KPNA3: variants seen among roughly 807,000 people sequenced by gnomAD.
KPNA3 encodes importin subunit alpha-4.
In KPNA3, 13 loss-of-function variants were observed where a neutral mutation model predicts 73.8. That is an observed-to-expected ratio of 0.18 (90% CI 0.11 to 0.28). The LOEUF is 0.28. KPNA3 is among the 10% of genes least tolerant of loss of function. The pLI is 1.00. For missense variants in KPNA3, 360 were observed against 618.1 expected (o/e 0.58, Z 4.43); for synonymous variants, 186 against 206.9 (o/e 0.90, Z 0.87).
intron 9 of KPNA3, among the ~76,000 whole-genome samples, chr13:49,721,333 A>G (rs1245928315): frequency 6.6e-6 from 1 of 152,234 alleles, no homozygotes; most frequent in Non-Finnish European, 1.5e-5. Context: ...GCTTTAAACC[A>G]ACAATGCAAT....
intron 1 of KPNA3, among the ~76,000 whole-genome samples, chr13:49,770,147 A>C (rs961372212): frequency 6.3e-5 from 8 of 126,480 alleles, no homozygotes; most frequent in Non-Finnish European, 1.3e-4. Context: ...TGGATGTATG[A>C]TGTGCAATTT....
chr13:49,756,821 T>C (rs1581745), intron 1 of KPNA3, among the ~76,000 whole-genome samples: 128,622 of 152,188 alleles, frequency 0.85, 54,595 homozygotes, highest in East Asian at 1. Flanking sequence ...TATTACATAG[T>C]TACAGTAATA....
At chr13:49,731,619 C>A (rs1480889676) in intron 6 of KPNA3, among the ~76,000 whole-genome samples, 1 of 152,046 alleles carries the variant, frequency 6.6e-6, no homozygotes, top group Non-Finnish European at 1.5e-5. Context: ...CCTTGGACAA[C>A]ATTTAGCAAA....
chr13:49,706,679 T>A (rs937070671), intron 12 of KPNA3, among the ~76,000 whole-genome samples: 3 of 152,222 alleles, frequency 2.0e-5, no homozygotes, highest in African/African-American at 7.2e-5. Flanking sequence ...TCTTTATTCA[T>A]GGAGCTTACA....
intron 3 of KPNA3, 28 bp from the exon 4 acceptor site, chr13:49,732,804 CAG>C (rs1954482693): frequency 6.6e-7 from 1 of 1,518,812 alleles, no homozygotes; most frequent in South Asian, 1.2e-5. Flanking sequence ...AATAGTTCAG[CAG>C]AGTTTATTAA....
At chr13:49,707,599 A>T (rs1954220002) in intron 12 of KPNA3, among the ~76,000 whole-genome samples, 1 of 152,094 alleles carries the variant, frequency 6.6e-6, no homozygotes, top group African/African-American at 2.4e-5. Flanking sequence ...CCCTCACTTA[A>T]AAGCATACTA....
chr13:49,792,675 G>A lies in KPNA3; in HGVS notation c.-169C>T, dbSNP rs1336130516. 2 of 513,514 alleles carry A rather than the reference G, an allele frequency of 3.9e-6. No homozygotes were observed. The highest frequency in any genetic ancestry group is 6.8e-6 in the Non-Finnish European group (2 of 296,244). 31.8% of individuals were successfully genotyped at this position (513,514 alleles called of 1,614,324 possible). On this transcript the variant is annotated 5_prime_UTR_variant, in exon 1 of 17. Transcript: ENST00000261667. The stretch of plus-strand genomic sequence containing the variant: ...TGGCAGTAGCGCCGGGGGAGGCGCG[G>A]GCCGACTGCCGGGCCGGGTGGGGCG...
chr13:49,763,557 T>C (rs1392966711), intron 1 of KPNA3, among the ~76,000 whole-genome samples: 1 of 152,162 alleles, frequency 6.6e-6, no homozygotes, highest in East Asian at 1.9e-4. Flanking sequence ...AAACTCCAAG[T>C]GGGAAAATAA....
intron 1 of KPNA3, among the ~76,000 whole-genome samples, chr13:49,755,108 A>G (rs56286086): frequency 0.11 from 16,800 of 152,124 alleles, 1,155 homozygotes; most frequent in South Asian, 0.26. Context: ...AATATTCTCA[A>G]TGACTGCAGA....
At chr13:49,734,761 T>C (rs2137557129) in intron 2 of KPNA3, among the ~76,000 whole-genome samples, 1 of 152,292 alleles carries the variant, frequency 6.6e-6, no homozygotes, top group South Asian at 2.1e-4. Flanking sequence ...TGGTTTTACA[T>C]GTGTCTATTA....
chr13:49,707,576 A>AC (rs67092201), intron 12 of KPNA3, among the ~76,000 whole-genome samples: 4 of 151,790 alleles, frequency 2.6e-5, no homozygotes, highest in African/African-American at 9.7e-5. Context: ...ATTTTCCTCT[A>AC]CCCCCCACGA....
At chr13:49,779,096 C>CT (rs1954921052) in intron 1 of KPNA3, among the ~76,000 whole-genome samples, 1 of 142,506 alleles carries the variant, frequency 7.0e-6, no homozygotes, top group African/African-American at 2.8e-5. Flanking sequence ...CTGCTAGTTC[C>CT]ATTTTTTTTT....
At chr13:49,778,486 G>C (rs1388166594) in intron 1 of KPNA3, among the ~76,000 whole-genome samples, 2 of 152,160 alleles carry the variant, frequency 1.3e-5, no homozygotes, top group African/African-American at 4.8e-5. Context: ...TTGCTCAGTT[G>C]AACTCTTTAA....
intron 11 of KPNA3, among the ~76,000 whole-genome samples, chr13:49,710,620 T>C (rs1954251175): frequency 6.6e-6 from 1 of 152,226 alleles, no homozygotes. Flanking sequence ...AGATGATCGT[T>C]TCATTTCTGT....
At chr13:49,786,793 C>G (rs1359150330) in intron 1 of KPNA3, among the ~76,000 whole-genome samples, 1 of 152,130 alleles carries the variant, frequency 6.6e-6, no homozygotes, top group Non-Finnish European at 1.5e-5. Context: ...ATGCTAAGGA[C>G]TTTTATCCTG....
chr13:49,763,441 GTGTT>G (rs1196187431), intron 1 of KPNA3, among the ~76,000 whole-genome samples: 2 of 152,116 alleles, frequency 1.3e-5, no homozygotes, highest in East Asian at 1.9e-4. Context: ...ATACAAAACA[GTGTT>G]TGTTTGGGTT....
chr13:49,748,942 T>C (rs1954640387), intron 1 of KPNA3, among the ~76,000 whole-genome samples: 1 of 152,192 alleles, frequency 6.6e-6, no homozygotes, highest in Non-Finnish European at 1.5e-5. Context: ...ATAAGCTATC[T>C]TTATTCACTG....
intron 11 of KPNA3, among the ~76,000 whole-genome samples, 192 bp from the exon 12 acceptor site, chr13:49,709,892 G>GA (rs34513990): frequency 3.0e-4 from 44 of 147,952 alleles, no homozygotes; most frequent in African/African-American, 7.0e-4. Context: ...GAAACTTTAT[G>GA]AAAAAAAAAA....
intron 6 of KPNA3, among the ~76,000 whole-genome samples, chr13:49,727,716 C>T (rs994173082): frequency 1.3e-5 from 2 of 152,028 alleles, no homozygotes; most frequent in Non-Finnish European, 2.9e-5. Flanking sequence ...CACGTCTGAA[C>T]ATGATCTAGT....
Sources: gnomAD v4.1 joint callset for allele counts (sites outside exome capture counted in the v4.1 genomes callset) on GRCh38, gnomAD v4.1.1 for gene constraint, MANE v1.5 for transcripts, NCBI Gene and HGNC (gene_info 2026-07-23, HGNC 2026-07-21) for gene names.